Variants in CCSER1 observed in about 807,000 individuals in gnomAD.
The protein encoded by CCSER1 is coiled-coil serine rich protein 1.
CCSER1 carries 41 observed loss-of-function variants against 82.0 expected under a neutral mutation model. The observed-to-expected ratio is 0.50, with a 90% CI of 0.39 to 0.65. CCSER1 has a LOEUF of 0.65. CCSER1 is among the 30% of genes least tolerant of loss of function. The probability of loss-of-function intolerance (pLI) is 0.00; values close to 1 mark genes in which losing one functional copy is unlikely to be tolerated. For missense variants in CCSER1, 1,119 were observed against 1,064.2 expected (o/e 1.05, Z -0.72); for synonymous variants, 414 against 383.9 (o/e 1.08, Z -0.92).
At chr4:90,536,071 C>T (rs543177990) in intron 5 of CCSER1, among the ~76,000 whole-genome samples, 8 of 109,524 alleles carry the variant, frequency 7.3e-5, no homozygotes, top group East Asian at 3.0e-4. Context: ...CTTGCTTTGT[C>T]GCCCAGGCTG....
chr4:90,349,824 A>T (rs1409212335), intron 3 of CCSER1, among the ~76,000 whole-genome samples: 1 of 152,020 alleles, frequency 6.6e-6, no homozygotes, highest in Non-Finnish European at 1.5e-5. Context: ...AACCTCTGTG[A>T]GTAACACTCT....
intron 10 of CCSER1, among the ~76,000 whole-genome samples, chr4:91,128,782 A>G (rs1203225157): frequency 6.6e-6 from 1 of 152,074 alleles, no homozygotes; most frequent in Admixed American, 6.6e-5. Context: ...TCACGTGAAA[A>G]TACAGTTAGA....
intron 10 of CCSER1, among the ~76,000 whole-genome samples, chr4:91,175,300 T>C (rs889354490): frequency 2.6e-5 from 4 of 152,198 alleles, no homozygotes; most frequent in Admixed American, 6.5e-5. Context: ...CATGTGACTT[T>C]ATAGCAGCAT....
chr4:90,535,158 T>C (rs978617696), intron 5 of CCSER1, among the ~76,000 whole-genome samples: 1 of 152,160 alleles, frequency 6.6e-6, no homozygotes, highest in Non-Finnish European at 1.5e-5. Context: ...ATTAATATAT[T>C]TTAAAAATAG....
intron 10 of CCSER1, among the ~76,000 whole-genome samples, chr4:91,185,304 G>C (rs1323781991): frequency 2.0e-5 from 3 of 152,124 alleles, no homozygotes; most frequent in Non-Finnish European, 2.9e-5. Context: ...TGCTTTCCAG[G>C]GAACAGAAGT....
chr4:90,310,442 GA>G (rs1341423066), intron 2 of CCSER1, among the ~76,000 whole-genome samples: 1 of 151,810 alleles, frequency 6.6e-6, no homozygotes, highest in Non-Finnish European at 1.5e-5. Flanking sequence ...CCCAAATTTG[GA>G]AGTGATTATT....
intron 1 of CCSER1, among the ~76,000 whole-genome samples, chr4:90,203,718 T>G (rs1578471295): frequency 6.6e-6 from 1 of 152,212 alleles, no homozygotes; most frequent in East Asian, 1.9e-4. Context: ...GTAATGGGAT[T>G]GCTGGGTCAA....
intron 5 of CCSER1, among the ~76,000 whole-genome samples, chr4:90,505,201 AG>A (rs1770512520): frequency 6.6e-6 from 1 of 152,208 alleles, no homozygotes; most frequent in Non-Finnish European, 1.5e-5. Flanking sequence ...GAACGAGAAA[AG>A]GTCTGAGAGA....
At chr4:90,724,093 C>CCTG in intron 7 of CCSER1, 102 bp downstream of exon 7, 1 of 616,386 alleles carries the variant, frequency 1.6e-6, no homozygotes, top group Non-Finnish European at 2.7e-6. Flanking sequence ...CTGCTTTAAT[C>CCTG]TTCAAGGGTC....
intron 5 of CCSER1, among the ~76,000 whole-genome samples, chr4:90,543,029 G>A (rs1510792): frequency 0.033 from 5,010 of 151,810 alleles, 113 homozygotes; most frequent in South Asian, 0.096. Context: ...GGCATTTAGG[G>A]CCCATATATT....
At chr4:90,812,765 C>G (rs1758517914) in intron 7 of CCSER1, among the ~76,000 whole-genome samples, 1 of 152,124 alleles carries the variant, frequency 6.6e-6, no homozygotes, top group South Asian at 2.1e-4. Flanking sequence ...AAGCAAGGTA[C>G]TTCTTCACAA....
At position 90,258,636 on chromosome 4, in the gene CCSER1, A is replaced by G. The variant is rs903546418; in HGVS notation, c.-41-49608A>G. On this transcript the variant is annotated intron_variant, in intron 1 of 10. Transcript: ENST00000509176. The stretch of plus-strand genomic sequence containing the variant: ...TATAGTTTCACTTTCAAAGATAAAC[A>G]GTCATAATGATTTGATTTTCTAGCC... 2.0e-5 allele frequency among the ~76,000 whole-genome samples: 3 copies of G among 151,504 alleles called. No homozygotes were observed. The East Asian group carries it at 5.8e-4, about 29-fold the overall frequency.
intron 9 of CCSER1, among the ~76,000 whole-genome samples, chr4:90,984,887 T>G (rs190639443): frequency 1.3e-5 from 2 of 151,968 alleles, no homozygotes; most frequent in Admixed American, 6.6e-5. Context: ...TTTACCAAAA[T>G]ATCCCTATTG....
At chr4:90,805,139 T>A (rs187342547) in intron 7 of CCSER1, among the ~76,000 whole-genome samples, 1 of 152,326 alleles carries the variant, frequency 6.6e-6, no homozygotes, top group Admixed American at 6.5e-5. Flanking sequence ...CAAAATTTAG[T>A]GGCTTAAAAC....
chr4:91,274,980 C>A (rs187860921), intron 10 of CCSER1, among the ~76,000 whole-genome samples: 1 of 152,016 alleles, frequency 6.6e-6, no homozygotes, highest in East Asian at 1.9e-4. Context: ...GTGGCAGGCG[C>A]TTGTAGTCCC....
rs935428985 is a variant in CCSER1 at position 90,972,700 on chromosome 4, T to G, written c.2172+49253T>G. 6.6e-5 allele frequency among the ~76,000 whole-genome samples: 10 copies of G among 151,824 alleles called. No homozygotes were observed. The East Asian group carries it at 1.9e-3, about 29-fold the overall frequency. On this transcript the variant is annotated intron_variant, in intron 9 of 10. Coordinates refer to ENST00000509176, the MANE Select transcript of CCSER1 (RefSeq NM_001145065.2). Reference sequence around the variant, plus strand: ...ATATGGAATCATAACAGGTACAGAATACCCAAAGCAATCTTGAGTAAGAAG... The same window carrying G: ...ATATGGAATCATAACAGGTACAGAAGACCCAAAGCAATCTTGAGTAAGAAG...
At chr4:90,691,911 A>G (rs555720698) in intron 6 of CCSER1, among the ~76,000 whole-genome samples, 3 of 151,594 alleles carry the variant, frequency 2.0e-5, no homozygotes, top group South Asian at 4.2e-4. Flanking sequence ...GTCCATATGT[A>G]CTCAATAGAA....
intron 9 of CCSER1, among the ~76,000 whole-genome samples, chr4:91,019,747 C>G (rs1470769296): frequency 6.6e-6 from 1 of 152,142 alleles, no homozygotes; most frequent in Non-Finnish European, 1.5e-5. Context: ...GAAAATCCCC[C>G]CTGAAATGCC....
At chr4:91,378,261 A>C (rs915644201) in intron 10 of CCSER1, among the ~76,000 whole-genome samples, 2 of 152,118 alleles carry the variant, frequency 1.3e-5, no homozygotes, top group Non-Finnish European at 2.9e-5. Flanking sequence ...ATGAACTTTA[A>C]AGTAGATTTT....
Sources: allele counts gnomAD v4.1 joint callset (sites outside exome capture counted in the v4.1 genomes callset), GRCh38; gene constraint gnomAD v4.1.1; transcripts MANE v1.5; gene names NCBI Gene and HGNC (gene_info 2026-07-23, HGNC 2026-07-21).